MAGI2: variants seen among roughly 807,000 people sequenced by gnomAD.
MAGI2 encodes the protein membrane-associated guanylate kinase, WW and PDZ domain-containing protein 2.
Under a neutral mutation model 133.3 loss-of-function variants are expected in MAGI2, and 35 were observed. The observed-to-expected ratio is 0.26, with a 90% confidence interval of 0.20 to 0.35. The LOEUF (loss-of-function observed/expected upper bound fraction) is 0.35. Among genes scored for constraint, MAGI2 ranks in the 10% least tolerant of loss-of-function variants. The pLI is 1.00. For missense variants in MAGI2, 1,636 were observed against 1,863.4 expected (o/e 0.88, Z 2.25); for synonymous variants, 729 against 710.6 (o/e 1.03, Z -0.41).
intron 3 of MAGI2, among the ~76,000 whole-genome samples, chr7:78,534,470 T>C (rs1797717624): frequency 6.6e-6 from 1 of 152,188 alleles, no homozygotes; most frequent in African/African-American, 2.4e-5. Flanking sequence ...TGTTTGTATA[T>C]ATATGTGTGT....
At chr7:78,061,753 A>G (rs1356074284) in intron 21 of MAGI2, among the ~76,000 whole-genome samples, 1 of 152,136 alleles carries the variant, frequency 6.6e-6, no homozygotes, top group Non-Finnish European at 1.5e-5. Flanking sequence ...GAGGGCTGTT[A>G]TGGGTGGAAA....
chr7:78,208,743 A>G (rs1238868859), intron 10 of MAGI2, among the ~76,000 whole-genome samples: 1 of 151,970 alleles, frequency 6.6e-6, no homozygotes, highest in Non-Finnish European at 1.5e-5. Flanking sequence ...AAGTAATTTA[A>G]GATGGATTAC....
At chr7:78,548,530 A>G (rs11765197) in intron 3 of MAGI2, among the ~76,000 whole-genome samples, 52,121 of 151,944 alleles carry the variant, frequency 0.34, 11,027 homozygotes, top group Non-Finnish European at 0.46. Context: ...CCCCGTCTCT[A>G]TTAAAAATAC....
At chr7:79,399,657 C>T (rs1036602955) in intron 1 of MAGI2, among the ~76,000 whole-genome samples, 1 of 152,104 alleles carries the variant, frequency 6.6e-6, no homozygotes, top group Non-Finnish European at 1.5e-5. Context: ...GTAGATTATA[C>T]TCTAGTTTAA....
At chr7:79,450,817 T>C (rs189970138) in intron 1 of MAGI2, among the ~76,000 whole-genome samples, 16 of 152,174 alleles carry the variant, frequency 1.1e-4, no homozygotes, top group Non-Finnish European at 2.1e-4. Context: ...ATACCCACAA[T>C]GATGGGAACT....
intron 1 of MAGI2, among the ~76,000 whole-genome samples, chr7:79,364,201 A>T (rs949439158): frequency 6.6e-6 from 1 of 152,052 alleles, no homozygotes; most frequent in Non-Finnish European, 1.5e-5. Flanking sequence ...CAAAAAACTA[A>T]AAGTAGAACA....
chr7:78,055,398 G>A (rs1812461610), intron 21 of MAGI2, among the ~76,000 whole-genome samples: 2 of 152,194 alleles, frequency 1.3e-5, no homozygotes, highest in Admixed American at 1.3e-4. Context: ...CTTTTCCCTT[G>A]TCAGTGTGCT....
rs191748816 is a variant in MAGI2, at chr7:79,156,512, T to C, written c.302-149306A>G. ...GTCTCCACAATCTTTTATCTTAACC[T>C]GAACATTTCCTTTCTTTTGATCCCA... On this transcript the variant is annotated intron_variant, in intron 1 of 21. Transcript: ENST00000354212. Among the ~76,000 whole-genome samples, 3 of 152,286 alleles carry C rather than the reference T, an allele frequency of 2.0e-5. No homozygotes were observed. In the East Asian group the frequency reaches 5.8e-4, roughly 29 times the overall value.
chr7:79,355,624 C>A (rs936086973), intron 1 of MAGI2, among the ~76,000 whole-genome samples: 2 of 152,160 alleles, frequency 1.3e-5, no homozygotes, highest in Non-Finnish European at 2.9e-5. Flanking sequence ...CAGGGCCTTT[C>A]ACACAATGTG....
chr7:78,079,867 G>A (rs1182006435), intron 20 of MAGI2, among the ~76,000 whole-genome samples: 1 of 152,198 alleles, frequency 6.6e-6, no homozygotes, highest in East Asian at 1.9e-4. Context: ...GTTCAACCAT[G>A]AGCACATCAT....
At chr7:78,036,027 G>T (rs1810178084) in intron 21 of MAGI2, among the ~76,000 whole-genome samples, 1 of 147,446 alleles carries the variant, frequency 6.8e-6, no homozygotes, top group Non-Finnish European at 1.5e-5. Context: ...TCAGGTATTG[G>T]CAAATGCACG....
At chr7:78,773,229 G>C (rs1825728490) in intron 2 of MAGI2, among the ~76,000 whole-genome samples, 1 of 152,012 alleles carries the variant, frequency 6.6e-6, no homozygotes, top group African/African-American at 2.4e-5. Flanking sequence ...ACAGAGACTT[G>C]ATGAACATGG....
chr7:78,404,756 C>T (rs974480437), intron 6 of MAGI2, among the ~76,000 whole-genome samples: 17 of 151,984 alleles, frequency 1.1e-4, no homozygotes, highest in Non-Finnish European at 2.1e-4. Context: ...GACACAGGCA[C>T]GGGCAAGGAC....
chr7:79,293,570 C>A (rs749808976), intron 1 of MAGI2, among the ~76,000 whole-genome samples: 1 of 152,150 alleles, frequency 6.6e-6, no homozygotes, highest in African/African-American at 2.4e-5. Context: ...TGTCTGGCAC[C>A]TATGTGTTAG....
intron 1 of MAGI2, among the ~76,000 whole-genome samples, chr7:79,416,252 T>A (rs1046079054): frequency 6.6e-6 from 1 of 152,070 alleles, no homozygotes; most frequent in African/African-American, 2.4e-5. Flanking sequence ...TATTAATCTG[T>A]TCTAAAAGTG....
intron 20 of MAGI2, among the ~76,000 whole-genome samples, chr7:78,119,130 G>C (rs1197368276): frequency 1.3e-5 from 2 of 152,178 alleles, no homozygotes; most frequent in Admixed American, 1.3e-4. Context: ...TCAGTAAAAA[G>C]ATCAGTGGTT....
chr7:78,573,074 T>TATAC (rs1392116954), intron 3 of MAGI2, among the ~76,000 whole-genome samples: 5 of 75,470 alleles, frequency 6.6e-5, no homozygotes, highest in Non-Finnish European at 9.3e-5. Context: ...TATATATATA[T>TATAC]ATACACACAC....
intron 20 of MAGI2, among the ~76,000 whole-genome samples, chr7:78,088,169 T>G (rs1340182343): frequency 6.6e-6 from 1 of 152,220 alleles, no homozygotes; most frequent in Non-Finnish European, 1.5e-5. Context: ...AAATGCGGGA[T>G]TATTATTATG....
rs538997273 is a variant in MAGI2 at position 78,921,919 on chromosome 7, C to T, written c.418+85171G>A. Among the ~76,000 whole-genome samples the T allele has an allele frequency of 4.6e-5, 7 of 152,240 alleles. No homozygotes were observed. The South Asian group carries it at 1.5e-3, about 32-fold the overall frequency. On this transcript the variant is annotated intron_variant, in intron 2 of 21. Transcript: ENST00000354212. ...AAATTGCTGGGATTATAGGTGTGAG[C>T]CACTGTGTCCGGCCCAGATTTTAAT...
Sources: allele counts gnomAD v4.1 joint callset (sites outside exome capture counted in the v4.1 genomes callset), GRCh38; gene constraint gnomAD v4.1.1; transcripts MANE v1.5; gene names NCBI Gene and HGNC (gene_info 2026-07-23, HGNC 2026-07-21).